The following POU6F2 variants were observed in gnomAD, a reference collection of about 807,000 sequenced individuals.
POU6F2 encodes POU domain, class 6, transcription factor 2.
A neutral mutation model predicts 71.3 loss-of-function variants in POU6F2; 31 were observed. The observed-to-expected ratio is 0.43, with a 90% CI of 0.33 to 0.59. The LOEUF (loss-of-function observed/expected upper bound fraction) is 0.59. Ranked by LOEUF, POU6F2 falls within the 20% of genes least tolerant of loss-of-function variation. The pLI is 0.04. For missense variants in POU6F2, 783 were observed against 856.8 expected, an observed-to-expected ratio of 0.91 and a Z score of 1.07; for synonymous variants, 347 against 355.7, an observed-to-expected ratio of 0.98 and a Z score of 0.27.
At chr7:39,194,153 C>T (rs1000633055) in intron 2 of POU6F2, among the ~76,000 whole-genome samples, 2 of 152,184 alleles carry the variant, frequency 1.3e-5, no homozygotes, top group Admixed American at 6.5e-5. Flanking sequence ...TTCCTCAAAT[C>T]CTACCTTGCT....
intron 7 of POU6F2, among the ~76,000 whole-genome samples, chr7:39,442,200 C>G (rs1788422423): frequency 6.6e-6 from 1 of 152,098 alleles, no homozygotes; most frequent in South Asian, 2.1e-4. Context: ...TACCAGGAAG[C>G]TAGGCTGTGT....
chr7:39,033,233 T>C (rs2128709885), intron 1 of POU6F2, among the ~76,000 whole-genome samples: 1 of 152,328 alleles, frequency 6.6e-6, no homozygotes, highest in Non-Finnish European at 1.5e-5. Context: ...ACACATCTTG[T>C]GGCTACCCGG....
At chr7:39,430,190 G>A (rs1351435926) in intron 6 of POU6F2, among the ~76,000 whole-genome samples, 6 of 152,316 alleles carry the variant, frequency 3.9e-5, no homozygotes, top group Non-Finnish European at 7.3e-5. Context: ...GGAATATGAC[G>A]AAATTCCCCA....
chr7:39,131,932 A>C (rs1263061442), intron 2 of POU6F2, among the ~76,000 whole-genome samples: 1 of 152,168 alleles, frequency 6.6e-6, no homozygotes, highest in Non-Finnish European at 1.5e-5. Flanking sequence ...TGATGCAGGC[A>C]CACAATGCGT....
chr7:39,069,618 A>C (rs80355601), intron 1 of POU6F2, among the ~76,000 whole-genome samples: 5,226 of 152,294 alleles, frequency 0.034, 130 homozygotes, highest in Middle Eastern at 0.071. Flanking sequence ...ACTGTTGACC[A>C]AAAGCCTTAC....
chr7:39,040,177 T>C (rs1790163435), intron 1 of POU6F2, among the ~76,000 whole-genome samples: 1 of 119,000 alleles, frequency 8.4e-6, no homozygotes, highest in Non-Finnish European at 1.8e-5. Flanking sequence ...TCCAGATAAC[T>C]GCACTTTACT....
chr7:39,287,687 G>A (rs934481487), intron 4 of POU6F2, among the ~76,000 whole-genome samples: 8 of 152,170 alleles, frequency 5.3e-5, no homozygotes, highest in Non-Finnish European at 1.0e-4. Context: ...ATGATCTAAA[G>A]TCTTACCTGT....
chr7:38,989,215 G>A (rs912813308), intron 1 of POU6F2, among the ~76,000 whole-genome samples: 3 of 152,018 alleles, frequency 2.0e-5, no homozygotes, highest in African/African-American at 7.2e-5. Context: ...TTCAAATACA[G>A]TGTCCCAAGT....
intron 2 of POU6F2, among the ~76,000 whole-genome samples, chr7:39,187,236 G>A (rs533652406): frequency 6.6e-6 from 1 of 152,166 alleles, no homozygotes; most frequent in South Asian, 2.1e-4. Flanking sequence ...CAGGCAATCC[G>A]CCCTCAGAGC....
At chr7:39,216,285 T>C (rs1794241302) in intron 4 of POU6F2, among the ~76,000 whole-genome samples, 1 of 152,208 alleles carries the variant, frequency 6.6e-6, no homozygotes, top group African/African-American at 2.4e-5. Context: ...AGAATTCTAT[T>C]AGGTGAACCC....
chr7:39,356,456 T>C (rs1283433644), intron 5 of POU6F2, among the ~76,000 whole-genome samples: 1 of 152,246 alleles, frequency 6.6e-6, no homozygotes, highest in East Asian at 1.9e-4. Context: ...ATCACTTTCC[T>C]GAACTCGTAT....
At chr7:39,143,141 T>G (rs1159007704) in intron 2 of POU6F2, among the ~76,000 whole-genome samples, 1 of 152,186 alleles carries the variant, frequency 6.6e-6, no homozygotes, top group African/African-American at 2.4e-5. Context: ...ATATTATGCA[T>G]CAAAACCACT....
chr7:39,381,648 C>T (rs2115796545), intron 5 of POU6F2, among the ~76,000 whole-genome samples: 1 of 152,272 alleles, frequency 6.6e-6, no homozygotes. Flanking sequence ...AAGAGAACCC[C>T]AATGAAGTCT....
chr7:39,129,636 G>A (rs963891546), intron 2 of POU6F2, among the ~76,000 whole-genome samples: 1 of 151,020 alleles, frequency 6.6e-6, no homozygotes, highest in Non-Finnish European at 1.5e-5. Context: ...TAGATAGATA[G>A]ATAGATAGAT....
chr7:38,993,299 A>G (rs1003517957), intron 1 of POU6F2, among the ~76,000 whole-genome samples: 2 of 152,152 alleles, frequency 1.3e-5, no homozygotes, highest in African/African-American at 4.8e-5. Flanking sequence ...GGAAAAAGGA[A>G]TATAGGCAAA....
intron 5 of POU6F2, among the ~76,000 whole-genome samples, chr7:39,345,950 C>G (rs1209109952): frequency 1.3e-5 from 2 of 152,186 alleles, no homozygotes; most frequent in African/African-American, 4.8e-5. Flanking sequence ...GGGCTTCATT[C>G]ATGATTCACT....
chr7:39,228,185 A>G (rs2128749563), intron 4 of POU6F2, among the ~76,000 whole-genome samples: 1 of 152,340 alleles, frequency 6.6e-6, no homozygotes, highest in South Asian at 2.1e-4. Context: ...GCATTTTCAA[A>G]TCACCGGCTC....
At chr7:39,246,708 G>A (rs1432648845) in intron 4 of POU6F2, among the ~76,000 whole-genome samples, 2 of 152,018 alleles carry the variant, frequency 1.3e-5, no homozygotes, top group Non-Finnish European at 2.9e-5. Context: ...CATCCATGGT[G>A]TAATTGTCAG....
At chr7:39,355,099 G>A (rs1786224917) in intron 5 of POU6F2, among the ~76,000 whole-genome samples, 2 of 152,186 alleles carry the variant, frequency 1.3e-5, no homozygotes, top group South Asian at 4.1e-4. Context: ...AGGAAGACAG[G>A]CAGTCATGGA....
Sources: gnomAD v4.1 joint callset for allele counts (sites outside exome capture counted in the v4.1 genomes callset) on GRCh38, gnomAD v4.1.1 for gene constraint, MANE v1.5 for transcripts, NCBI Gene and HGNC (gene_info 2026-07-23, HGNC 2026-07-21) for gene names.